The following PRKD1 variants were observed in gnomAD, a reference collection of about 807,000 sequenced individuals.
PRKD1 encodes serine/threonine-protein kinase D1.
A neutral mutation model predicts 95.9 loss-of-function variants in PRKD1; 63 were observed. The ratio of observed to expected loss-of-function variants is 0.66; its 90% confidence interval spans 0.54 to 0.81. The LOEUF is 0.81. PRKD1 is among the 30% of genes least tolerant of loss of function. The pLI is 0.00. For missense variants in PRKD1, 1,048 were observed against 1,165.3 expected (o/e 0.90, Z 1.47); for synonymous variants, 425 against 423.1 (o/e 1.00, Z -0.05).
chr14:29,776,926 T>A (rs1285581365), intron 1 of PRKD1, among the ~76,000 whole-genome samples: 1 of 152,194 alleles, frequency 6.6e-6, no homozygotes, highest in Admixed American at 6.5e-5. Context: ...GGGAAGCCCA[T>A]CAGACTAAGA....
In PRKD1 at chr14:29,816,108, C is replaced by T. The variant is rs1300358432; in HGVS notation, c.265-90434G>A. Among the ~76,000 whole-genome samples, 3 of 152,168 alleles carry T rather than the reference C, an allele frequency of 2.0e-5. No homozygotes were observed. The South Asian group carries it at 6.2e-4, about 32-fold the overall frequency. ...TGGCACATGCCTGTAATCCCAGCTA[C>T]TCAGGAGACTGAGGCAGAAGAGTCA... On this transcript the variant is annotated intron_variant, in intron 1 of 17. Transcript: ENST00000331968.
At chr14:29,900,040 C>T (rs1894268981) in intron 1 of PRKD1, among the ~76,000 whole-genome samples, 1 of 152,202 alleles carries the variant, frequency 6.6e-6, no homozygotes, top group South Asian at 2.1e-4. Flanking sequence ...TCCAGTATTA[C>T]TGTAAGTTTC....
intron 4 of PRKD1, among the ~76,000 whole-genome samples, chr14:29,660,320 C>G (rs1223235975): frequency 6.6e-6 from 1 of 152,160 alleles, no homozygotes; most frequent in African/African-American, 2.4e-5. Context: ...ATAATACTAC[C>G]TTGCCTTTAC....
chr14:29,646,850 C>G (rs1316430780), intron 4 of PRKD1, among the ~76,000 whole-genome samples: 1 of 151,552 alleles, frequency 6.6e-6, no homozygotes, highest in Non-Finnish European at 1.5e-5. Context: ...AGCTCTTTGA[C>G]AACAGAAAAA....
intron 2 of PRKD1, among the ~76,000 whole-genome samples, chr14:29,678,070 T>C (rs891118481): frequency 6.6e-6 from 1 of 152,212 alleles, no homozygotes; most frequent in African/African-American, 2.4e-5. Context: ...TCACTGATAA[T>C]GTCAAATCAT....
chr14:29,847,544 A>T (rs1214440808), intron 1 of PRKD1, among the ~76,000 whole-genome samples: 1 of 151,516 alleles, frequency 6.6e-6, no homozygotes, highest in Admixed American at 6.6e-5. Flanking sequence ...AAACAAAATT[A>T]AAAAAAAACA....
intron 1 of PRKD1, among the ~76,000 whole-genome samples, chr14:29,858,555 C>G (rs1159908484): frequency 6.6e-6 from 1 of 152,108 alleles, no homozygotes. Flanking sequence ...TTAAATAATG[C>G]CCTATGGATC....
In PRKD1 at chr14:29,604,106, A is replaced by C. The variant is rs116489536; in HGVS notation, c.1906-4289T>G. On this transcript the variant is annotated intron_variant, in intron 13 of 17. Transcript: ENST00000331968. ...GCTTTTATAAAAGTAATATCTCAAGAAAATAAAGAATTGACTAATTCTAAT... is the reference window on the plus strand; with the variant it reads ...GCTTTTATAAAAGTAATATCTCAAGCAAATAAAGAATTGACTAATTCTAAT... Among the ~76,000 whole-genome samples, 912 of 152,290 alleles carry C rather than the reference A, an allele frequency of 6.0e-3. 7 individuals are homozygous for C. Among genetic ancestry groups the C allele is most frequent in the African/African-American group, 0.02 (826 of 41,576 alleles).
intron 13 of PRKD1, among the ~76,000 whole-genome samples, chr14:29,611,510 T>A (rs2139049467): frequency 6.6e-6 from 1 of 152,130 alleles, no homozygotes; most frequent in South Asian, 2.1e-4. Context: ...ATAGCAGGGA[T>A]CCTGAATGCA....
chr14:29,700,859 C>A (rs1884789783), intron 2 of PRKD1, among the ~76,000 whole-genome samples: 1 of 152,130 alleles, frequency 6.6e-6, no homozygotes, highest in Non-Finnish European at 1.5e-5. Context: ...GTCTCTGCTA[C>A]CCTATCCTAC....
At chr14:29,705,482 T>C (rs973380524) in intron 2 of PRKD1, among the ~76,000 whole-genome samples, 6 of 151,796 alleles carry the variant, frequency 4.0e-5, no homozygotes, top group East Asian at 1.9e-4. Flanking sequence ...TATTGAGATA[T>C]AATTCACATC....
chr14:29,610,511 G>A (rs140161934), intron 13 of PRKD1, among the ~76,000 whole-genome samples: 9 of 152,278 alleles, frequency 5.9e-5, no homozygotes, highest in East Asian at 3.9e-4. Context: ...CTGGAACTCC[G>A]ACAAGGCCAA....
At chr14:29,796,945 A>G (rs1156975399) in intron 1 of PRKD1, among the ~76,000 whole-genome samples, 1 of 152,238 alleles carries the variant, frequency 6.6e-6, no homozygotes, top group Non-Finnish European at 1.5e-5. Context: ...TTGTTTTTTA[A>G]GACAAATGAA....
At chr14:29,668,567 G>A (rs1285483961) in intron 2 of PRKD1, among the ~76,000 whole-genome samples, 1 of 152,122 alleles carries the variant, frequency 6.6e-6, no homozygotes, top group African/African-American at 2.4e-5. Flanking sequence ...AGGTAATTGA[G>A]CCAAAAACCC....
intron 2 of PRKD1, among the ~76,000 whole-genome samples, chr14:29,713,809 C>T (rs953033283): frequency 6.6e-6 from 1 of 152,116 alleles, no homozygotes; most frequent in African/African-American, 2.4e-5. Context: ...ATATACTTTA[C>T]ATCATAACCA....
chr14:29,701,677 T>A (rs1219819673), intron 2 of PRKD1, among the ~76,000 whole-genome samples: 3 of 152,206 alleles, frequency 2.0e-5, no homozygotes, highest in African/African-American at 7.2e-5. Context: ...TTACATATCA[T>A]GAGCTCACAG....
At chr14:29,701,807 T>C (rs977766352) in intron 2 of PRKD1, among the ~76,000 whole-genome samples, 4 of 152,186 alleles carry the variant, frequency 2.6e-5, no homozygotes, top group Non-Finnish European at 4.4e-5. Flanking sequence ...TTTTTGATGA[T>C]ACTCAGTTTT....
At chr14:29,626,456 C>G in intron 12 of PRKD1, 28 bp downstream of exon 12, 1 of 1,570,158 alleles carries the variant, frequency 6.4e-7, no homozygotes. Context: ...ATTTTAAGTT[C>G]ATAAAAATAC....
intron 1 of PRKD1, among the ~76,000 whole-genome samples, chr14:29,869,169 G>A (rs867703736): frequency 6.6e-6 from 1 of 152,174 alleles, no homozygotes; most frequent in Non-Finnish European, 1.5e-5. Flanking sequence ...GAGGCTGGGT[G>A]TGGTGGCTCA....
Sources: gnomAD v4.1 joint callset for allele counts (sites outside exome capture counted in the v4.1 genomes callset) on GRCh38, gnomAD v4.1.1 for gene constraint, MANE v1.5 for transcripts, NCBI Gene and HGNC (gene_info 2026-07-23, HGNC 2026-07-21) for gene names.